The following TMEM232 variants were observed in gnomAD, a reference collection of about 807,000 sequenced individuals.
The protein encoded by TMEM232 is transmembrane protein 232.
A neutral mutation model predicts 78.8 loss-of-function variants in TMEM232; 80 were observed. The ratio of observed to expected loss-of-function variants is 1.01; its 90% CI spans 0.85 to 1.22. The LOEUF (loss-of-function observed/expected upper bound fraction) is 1.22. TMEM232 is among the 50% of genes most tolerant of loss of function. TMEM232 has a pLI of 0.00. For synonymous variants in TMEM232, 297 were observed against 254.3 expected (o/e 1.17, Z -1.60); for missense variants, 881 against 742.2 (o/e 1.19, Z -2.17).
intron 2 of TMEM232, among the ~76,000 whole-genome samples, chr5:110,656,881 A>G (rs1305478798): frequency 6.6e-6 from 1 of 152,080 alleles, no homozygotes; most frequent in Non-Finnish European, 1.5e-5. Flanking sequence ...ATTAGAGTTA[A>G]TATTTTAAAA....
At chr5:110,429,554 C>A (rs1757601793) in intron 12 of TMEM232, among the ~76,000 whole-genome samples, 1 of 151,686 alleles carries the variant, frequency 6.6e-6, no homozygotes, top group African/African-American at 2.4e-5. Context: ...CATCTCACAC[C>A]CTCACCTAAG....
At chr5:110,539,887 A>G (rs1030106962) in intron 11 of TMEM232, among the ~76,000 whole-genome samples, 5 of 152,166 alleles carry the variant, frequency 3.3e-5, no homozygotes, top group Non-Finnish European at 7.4e-5. Context: ...CCCCAGAACG[A>G]GTGCAAGCCA....
intron 1 of TMEM232, among the ~76,000 whole-genome samples, chr5:110,688,639 T>G (rs555337281): frequency 2.6e-5 from 4 of 152,222 alleles, no homozygotes; most frequent in Non-Finnish European, 5.9e-5. Context: ...GATGGGACAA[T>G]TGACCCAATA....
intron 10 of TMEM232, among the ~76,000 whole-genome samples, chr5:110,571,403 C>T (rs1776921977): frequency 6.6e-6 from 1 of 151,988 alleles, no homozygotes; most frequent in African/African-American, 2.4e-5. Context: ...GGAAAGTCCA[C>T]AGCAAATCAA....
At chr5:110,571,134 T>A (rs1159477012) in intron 10 of TMEM232, among the ~76,000 whole-genome samples, 1 of 152,070 alleles carries the variant, frequency 6.6e-6, no homozygotes, top group Non-Finnish European at 1.5e-5. Context: ...GGTGCCCTTG[T>A]GCCTGATGTA....
intron 6 of TMEM232, among the ~76,000 whole-genome samples, chr5:110,626,349 A>T (rs879869181): frequency 1.3e-5 from 2 of 152,062 alleles, no homozygotes; most frequent in Non-Finnish European, 2.9e-5. Flanking sequence ...CTATAATTTA[A>T]TGAAGATATA....
intron 3 of TMEM232, among the ~76,000 whole-genome samples, chr5:110,396,920 G>A (rs1429658455): frequency 6.6e-6 from 1 of 152,104 alleles, no homozygotes; most frequent in Non-Finnish European, 1.5e-5. Flanking sequence ...GCAAAGAGCT[G>A]AAAAACTCGT....
intron 12 of TMEM232, among the ~76,000 whole-genome samples, chr5:110,447,389 C>T (rs1475834248): frequency 6.6e-6 from 1 of 151,972 alleles, no homozygotes; most frequent in Non-Finnish European, 1.5e-5. Flanking sequence ...CACCTAGCTG[C>T]ACATCTAAGT....
chr5:110,582,745 T>C (rs887784969), intron 10 of TMEM232, among the ~76,000 whole-genome samples: 3 of 151,868 alleles, frequency 2.0e-5, no homozygotes, highest in Middle Eastern at 3.2e-3. Flanking sequence ...GACATAATCT[T>C]ATATGAAGAA....
At chr5:110,611,799 A>G (rs892810533) in intron 8 of TMEM232, among the ~76,000 whole-genome samples, 11 of 152,166 alleles carry the variant, frequency 7.2e-5, no homozygotes, top group Non-Finnish European at 1.6e-4. Context: ...GACAAGTTAA[A>G]AAGCTACAAT....
upstream of TMEM232, chr5:110,738,138 G>C: frequency 9.5e-7 from 1 of 1,055,922 alleles, no homozygotes; most frequent in Non-Finnish European, 1.2e-6. Flanking sequence ...AAAGCTCTAG[G>C]AATCCTGGGC....
intron 10 of TMEM232, among the ~76,000 whole-genome samples, chr5:110,587,636 T>A (rs1335432749): frequency 1.3e-5 from 2 of 148,190 alleles, no homozygotes; most frequent in Non-Finnish European, 3.0e-5. Context: ...TCTTTTATTA[T>A]GATGATGGTT....
At chr5:110,641,038 T>C in intron 3 of TMEM232, 42 bp from the exon 4 acceptor site, 4 of 1,185,372 alleles carry the variant, frequency 3.4e-6, no homozygotes, top group Non-Finnish European at 4.6e-6. Flanking sequence ...AAAATGTACA[T>C]ATTTTTATAT....
At chr5:110,473,695 T>C (rs1413777642) in intron 12 of TMEM232, among the ~76,000 whole-genome samples, 1 of 151,160 alleles carries the variant, frequency 6.6e-6, no homozygotes. Context: ...CCCATGTTTA[T>C]TGCAGCACTA....
intron 1 of TMEM232, among the ~76,000 whole-genome samples, chr5:110,672,564 C>T (rs1385234096): frequency 6.6e-6 from 1 of 151,806 alleles, no homozygotes; most frequent in Non-Finnish European, 1.5e-5. Flanking sequence ...CTTCAAATTT[C>T]CAAAAAGAAA....
At chr5:110,730,116 A>C (rs1284611875), upstream of TMEM232, among the ~76,000 whole-genome samples, 1 of 152,200 alleles carries the variant, frequency 6.6e-6, no homozygotes, top group African/African-American at 2.4e-5. Flanking sequence ...AATATGCATT[A>C]TATTTTCTTC....
intron 1 of TMEM232, among the ~76,000 whole-genome samples, chr5:110,671,750 T>TG (rs935469551): frequency 5.9e-5 from 9 of 152,092 alleles, no homozygotes; most frequent in Admixed American, 5.2e-4. Flanking sequence ...AGTCAGTGGG[T>TG]GGGGGGCCAG....
chr5:110,491,318 TAAC>T (rs951511812), intron 12 of TMEM232, among the ~76,000 whole-genome samples: 63 of 152,158 alleles, frequency 4.1e-4, no homozygotes, highest in African/African-American at 1.4e-3. Flanking sequence ...AGACCGATAA[TAAC>T]AACTTTTAAC....
intron 12 of TMEM232, among the ~76,000 whole-genome samples, chr5:110,501,543 G>A (rs6881533): frequency 0.03 from 4,572 of 152,162 alleles, 243 homozygotes; most frequent in African/African-American, 0.1. Context: ...CTCAAGTGTA[G>A]CCTTAAGATG....
Sources: gnomAD v4.1 joint callset for allele counts (sites outside exome capture counted in the v4.1 genomes callset) on GRCh38, gnomAD v4.1.1 for gene constraint, MANE v1.5 for transcripts, NCBI Gene and HGNC (gene_info 2026-07-23, HGNC 2026-07-21) for gene names.